The following KDR variants were observed in gnomAD, a reference collection of about 807,000 sequenced individuals.
The protein encoded by KDR is vascular endothelial growth factor receptor 2.
A neutral mutation model predicts 160.9 loss-of-function variants in KDR; 43 were observed. The observed-to-expected ratio is 0.27, with a 90% CI of 0.21 to 0.34. The LOEUF (loss-of-function observed/expected upper bound fraction) is 0.34. Among genes scored for constraint, KDR ranks in the 10% least tolerant of loss-of-function variants. KDR has a pLI of 1.00. For missense variants in KDR, 1,469 were observed against 1,666.4 expected, an observed-to-expected ratio of 0.88 and a Z score of 2.06; for synonymous variants, 617 against 600.1, an observed-to-expected ratio of 1.03 and a Z score of -0.41.
At chr4:55,106,869 G>A in intron 10 of KDR, 59 bp from the exon 11 acceptor site, 1 of 1,420,906 alleles carries the variant, frequency 7.0e-7, no homozygotes, top group Admixed American at 1.7e-5. Context: ...TTAGAGTCAA[G>A]AGTAAGGAAA....
chr4:55,113,435 C>T lies in KDR; in HGVS notation c.845G>A (p.Gly282Glu). 6.2e-7 allele frequency: 1 copy of T among 1,613,972 alleles called. No individual in the cohort carries two copies. Among genetic ancestry groups the T allele is most frequent in the Non-Finnish European group, 8.5e-7 (1 of 1,179,938 alleles). Residue 282 changes from glycine to glutamate, a missense_variant, in exon 7 of 30, where the codon GGG becomes GAG. Transcript: ENST00000263923. The stretch of plus-strand genomic sequence containing the variant: ...GCTCAAAAATTTCTTCATCTCACTC[C>T]CAGACTGGGTTTTTAGGTCTCGGTT... ...LVNRDLKTQS[G>E]SEMKKFLSTL...
chr4:55,104,559 G>A lies in KDR; in HGVS notation c.1987+84C>T, dbSNP rs748985302. ...TTACAACATAATCTCCTAGAGGACA[G>A]TAATCTTTGCATAGCACCTGAATTG... On this transcript the variant is annotated intron_variant, in intron 13 of 29. Coordinates refer to ENST00000263923, the MANE Select transcript of KDR (RefSeq NM_002253.4). The A allele has an allele frequency of 7.6e-6, 8 of 1,051,984 alleles. No homozygotes were observed. The African/African-American group carries it at 9.4e-5, about 12-fold the overall frequency. 65.2% of individuals were successfully genotyped at this position (1,051,984 alleles called of 1,614,324 possible).
intron 21 of KDR, among the ~76,000 whole-genome samples, chr4:55,093,959 G>A (rs191801026): frequency 6.6e-6 from 1 of 152,274 alleles, no homozygotes; most frequent in African/African-American, 2.4e-5. Context: ...CAGCACTTTG[G>A]GAGGCTGAGG....
chr4:55,081,888 C>G, intron 29 of KDR, 68 bp downstream of exon 29: 1 of 1,095,836 alleles, frequency 9.1e-7, no homozygotes, highest in Admixed American at 1.7e-5. Context: ...TGCACTTACA[C>G]TGAAAGTCCT....
chr4:55,098,626 A>G, intron 16 of KDR, 71 bp downstream of exon 16: 1 of 1,172,136 alleles, frequency 8.5e-7, no homozygotes, highest in Non-Finnish European at 1.3e-6. Context: ...AAACAACTCA[A>G]AGAACCCCAG....
In KDR at chr4:55,094,908, G is replaced by C. The variant is rs1239038856; in HGVS notation, c.2865C>G (p.Ile955Met). The change falls in exon 21 of 30, where the codon ATC (isoleucine) becomes ATG (methionine). Residue 955 changes from isoleucine to methionine, a missense_variant. By Grantham distance (10) the Ile-to-Met change is conservative. This residue lies in a region of KDR where 151 missense variants were observed against 207.2 expected (regional missense o/e 0.73). Transcript: ENST00000263923. ...CCAAGCGCCGTTTCAGATCCACAGG[G>C]ATTGCTCCAACGTAGTCTTTCCCTT... ...FRQGKDYVGAIPVDLKRRLDS... is the reference protein window; with the variant it reads ...FRQGKDYVGAMPVDLKRRLDS... 6.2e-7 allele frequency: 1 copy of C among 1,613,980 alleles called. No homozygotes were observed. Among genetic ancestry groups the C allele is most frequent in the Non-Finnish European group, 8.5e-7 (1 of 1,179,892 alleles).
At chr4:55,085,016 TAC>T (rs1431712128) in intron 27 of KDR, among the ~76,000 whole-genome samples, 2 of 152,144 alleles carry the variant, frequency 1.3e-5, no homozygotes, top group African/African-American at 4.8e-5. Context: ...CCCTAACAAT[TAC>T]AAAATGAAGA....
chr4:55,103,498 G>A (rs1357877221), intron 13 of KDR, among the ~76,000 whole-genome samples: 1 of 152,184 alleles, frequency 6.6e-6, no homozygotes, highest in African/African-American at 2.4e-5. Context: ...AGCTAGGCCA[G>A]GAGCCTACTT....
chr4:55,108,167 C>G (rs1428286952), intron 9 of KDR, among the ~76,000 whole-genome samples: 1 of 148,040 alleles, frequency 6.8e-6, no homozygotes, highest in Admixed American at 7.0e-5. Context: ...TCAAGACCAG[C>G]CTGGGCCACA....
Position 55,087,666 on chromosome 4 carries a change from A to G in KDR, c.3603T>C (p.Cys1201=), listed in dbSNP as rs745611872. ...GGTCACATACTTCCTCCTCCTCCAT[A>G]CAGGAAACAGGTGAGGTAGGCAGAG... ...GLSLPTSPVS[C]MEEEEVCDPK... The change falls in exon 27 of 30, where the codon TGT becomes TGC. Residue 1201 remains cysteine (C), a synonymous_variant. Transcript: ENST00000263923. The G allele has an allele frequency of 1.2e-6, 2 of 1,613,990 alleles. No individual in the cohort carries two copies. Among genetic ancestry groups the G allele is most frequent in the South Asian group, 2.2e-5 (2 of 91,078 alleles).
Position 55,107,603 on chromosome 4 carries a change from T to C in KDR, c.1412+134A>G, listed in dbSNP as rs931156054. ...AATGTAAGACACAGAGAAAGATGGATGGAGATTCAGGCTACCTCTTGAGAG... is the reference window on the plus strand; with the variant it reads ...AATGTAAGACACAGAGAAAGATGGACGGAGATTCAGGCTACCTCTTGAGAG... On this transcript the variant is annotated intron_variant, in intron 10 of 29. Coordinates refer to ENST00000263923, the MANE Select transcript of KDR (RefSeq NM_002253.4). 49 of 994,234 alleles carry C rather than the reference T, an allele frequency of 4.9e-5. 1 individual carries two copies. In the South Asian group the frequency reaches 5.9e-4, roughly 12 times the overall value. The allele number at this position is 994,234 out of a possible 1,614,324, so 61.6% of individuals were successfully genotyped here.
Position 55,088,903 on chromosome 4 carries a change from G to T in KDR, c.3475C>A (p.His1159Asn). 6.2e-7 allele frequency: 1 copy of T among 1,614,084 alleles called. No individual in the cohort carries two copies. Among genetic ancestry groups the T allele is most frequent in the South Asian group, 1.1e-5 (1 of 91,086 alleles). ...QRPTFSELVE[H>N]LGNLLQANAQ... Reference sequence around the variant, plus strand: ...TTAGCTTGCAAGAGATTTCCCAAATGTTCCACCAACTCTGAAAACGTGGGT... The same window carrying T: ...TTAGCTTGCAAGAGATTTCCCAAATTTTCCACCAACTCTGAAAACGTGGGT... The change falls in exon 26 of 30, where the codon CAT (histidine) becomes AAT (asparagine). Residue 1159 changes from histidine to asparagine, a missense_variant. Physicochemically the swap from His to Asn is moderately conservative, Grantham distance 68. Transcript: ENST00000263923.
chr4:55,087,440 C>G (rs575385025), intron 27 of KDR, among the ~76,000 whole-genome samples, 167 bp downstream of exon 27: 47 of 152,322 alleles, frequency 3.1e-4, no homozygotes, highest in Non-Finnish European at 6.0e-4. Context: ...CACACCTACC[C>G]AGGCCCTCTT....
chr4:55,094,802 C>T lies in KDR; in HGVS notation c.2971G>A (p.Ala991Thr). 6.2e-7 allele frequency: 1 copy of T among 1,613,766 alleles called. No homozygotes were observed. The highest frequency in any genetic ancestry group is 8.5e-7 in the Non-Finnish European group (1 of 1,179,694). Residue 991 changes from alanine (A) to threonine (T), a missense_variant and splice_region_variant, in exon 21 of 30, where the codon GCT becomes ACT. Coordinates refer to ENST00000263923, the MANE Select transcript of KDR (RefSeq NM_002253.4). Reference protein sequence around the residue: ...KSLSDVEEEEAPEDLYKDFLT... With the variant: ...KSLSDVEEEETPEDLYKDFLT... ...GCATGCAGGAAGCACTAGCCAGTAC[C>T]TTCCTCTTCTTCTACATCACTGAGG... is the stretch of plus-strand genomic sequence containing the variant.
chr4:55,090,467 C>T (rs915381449), intron 22 of KDR, among the ~76,000 whole-genome samples: 10 of 152,120 alleles, frequency 6.6e-5, no homozygotes, highest in Admixed American at 2.0e-4. Context: ...AATGAATGCA[C>T]GGAAATCAGA....
chr4:55,110,844 A>G (rs1720564236), intron 7 of KDR, 76 bp from the exon 8 acceptor site: 1 of 1,213,464 alleles, frequency 8.2e-7, no homozygotes, highest in African/African-American at 1.5e-5. Context: ...TTTCAAGTGA[A>G]ACGTCAAAGA....
At chr4:55,087,576 C>T (rs1292314474) in intron 27 of KDR, 31 bp downstream of exon 27, 3 of 1,610,644 alleles carry the variant, frequency 1.9e-6, no homozygotes, top group Non-Finnish European at 8.5e-7. Context: ...AAGTCACCCT[C>T]CCCCGGGGGA....
chr4:55,118,082 C>T (rs1720778014), intron 3 of KDR, among the ~76,000 whole-genome samples: 1 of 152,136 alleles, frequency 6.6e-6, no homozygotes, highest in South Asian at 2.1e-4. Flanking sequence ...GAGTCTGAAG[C>T]AATGTCTTTA....
chr4:55,118,187 G>A (rs1720780594), intron 3 of KDR, among the ~76,000 whole-genome samples: 1 of 152,150 alleles, frequency 6.6e-6, no homozygotes, highest in Non-Finnish European at 1.5e-5. Flanking sequence ...GGCAAAAAAT[G>A]CTTTCCTATG....
Sources: gnomAD v4.1 joint callset for allele counts (sites outside exome capture counted in the v4.1 genomes callset) on GRCh38, gnomAD v4.1.1 for gene constraint, gnomAD v4.1.1 regional missense constraint, MANE v1.5 for transcripts, NCBI Gene and HGNC (gene_info 2026-07-23, HGNC 2026-07-21) for gene names.